The following FABP7 variants were observed in gnomAD, a reference collection of about 807,000 sequenced individuals.
FABP7 encodes the protein fatty acid binding protein 7.
A neutral mutation model predicts 14.2 loss-of-function variants in FABP7; 13 were observed. The ratio of observed to expected loss-of-function variants is 0.91; its 90% confidence interval spans 0.59 to 1.45. The LOEUF (loss-of-function observed/expected upper bound fraction) is 1.45, where lower values mean the gene tolerates loss of function less well. Ranked by LOEUF, FABP7 falls within the 40% of genes most tolerant of loss-of-function variation. The pLI, the probability that FABP7 is intolerant of heterozygous loss-of-function variation, is 0.00. For synonymous variants in FABP7, 49 were observed against 51.4 expected, an observed-to-expected ratio of 0.95 and a Z score of 0.20; for missense variants, 149 against 157.6, an observed-to-expected ratio of 0.95 and a Z score of 0.29.
the FABP7 span, among the ~76,000 whole-genome samples, chr6:122,756,562 C>A: frequency 6.6e-6 from 1 of 152,230 alleles, no homozygotes; most frequent in African/African-American, 2.4e-5. Flanking sequence ...TGTTCTCTTG[C>A]TCACTGAAAT....
At chr6:122,757,386 A>C in the FABP7 span, among the ~76,000 whole-genome samples, 1 of 152,020 alleles carries the variant, frequency 6.6e-6, no homozygotes, top group Non-Finnish European at 1.5e-5. Context: ...ATCACCGAGA[A>C]GATGACTGAA....
chr6:122,783,736 T>C lies in FABP7; in HGVS notation c.368T>C (p.Val123Ala). 1 of 1,607,626 alleles carries C rather than the reference T, an allele frequency of 6.2e-7. No individual in the cohort carries two copies. The highest frequency in any genetic ancestry group is 8.5e-7 in the Non-Finnish European group (1 of 1,178,186). The change falls in exon 4 of 4, where the codon GTG becomes GCG. Residue 123 changes from valine (V) to alanine (A), a missense_variant. Physicochemically the swap from Val to Ala is moderately conservative, Grantham distance 64. Transcript: ENST00000368444. The stretch of plus-strand genomic sequence containing the variant: ...TTGCAGACCCTTACTTTTGGTGATG[T>C]GGTTGCTGTTCGCCACTATGAGAAG... Reference protein sequence around the residue: ...KMVMTLTFGDVVAVRHYEKA With the variant: ...KMVMTLTFGDAVAVRHYEKA
the FABP7 span, among the ~76,000 whole-genome samples, chr6:122,762,376 T>G: frequency 1.3e-5 from 2 of 152,032 alleles, no homozygotes; most frequent in South Asian, 4.1e-4. Flanking sequence ...AACTAGATAT[T>G]GATGGGACAT....
chr6:122,776,073 G>T (rs998719011), upstream of FABP7, among the ~76,000 whole-genome samples: 4 of 152,086 alleles, frequency 2.6e-5, no homozygotes, highest in Non-Finnish European at 5.9e-5. Context: ...CTTATACACT[G>T]TTGTTGGGAA....
the FABP7 span, among the ~76,000 whole-genome samples, chr6:122,760,785 T>C: frequency 2.0e-5 from 3 of 152,128 alleles, no homozygotes; most frequent in East Asian, 3.9e-4. Context: ...AATCAAACAA[T>C]TTTGATATAT....
chr6:122,750,799 G>C, the FABP7 span, among the ~76,000 whole-genome samples: 2 of 152,226 alleles, frequency 1.3e-5, no homozygotes, highest in Admixed American at 6.5e-5. Flanking sequence ...CCAGTGAAGA[G>C]AGAAAACTGA....
the FABP7 span, among the ~76,000 whole-genome samples, chr6:122,755,751 G>A: frequency 2.6e-5 from 4 of 152,054 alleles, no homozygotes; most frequent in African/African-American, 7.2e-5. Context: ...GCCACCGCGC[G>A]TGGCCTCCTC....
At chr6:122,754,398 G>A in the FABP7 span, among the ~76,000 whole-genome samples, 1 of 152,062 alleles carries the variant, frequency 6.6e-6, no homozygotes. Flanking sequence ...TATTTCAATG[G>A]AAGAAATGTC....
chr6:122,762,666 T>C, the FABP7 span, among the ~76,000 whole-genome samples: 1 of 152,354 alleles, frequency 6.6e-6, no homozygotes, highest in Admixed American at 6.5e-5. Flanking sequence ...CAAAATCTCC[T>C]TAAGCTGATA....
chr6:122,781,860 G>T, intron 3 of FABP7: 1 of 429,858 alleles, frequency 2.3e-6, no homozygotes, highest in Non-Finnish European at 3.1e-6. Flanking sequence ...TACAACCTCA[G>T]CCTCCTAAGT....
chr6:122,753,095 C>A, the FABP7 span, among the ~76,000 whole-genome samples: 1 of 152,224 alleles, frequency 6.6e-6, no homozygotes. Context: ...CTAACCGTTT[C>A]TCTCTGGCTT....
the FABP7 span, among the ~76,000 whole-genome samples, chr6:122,769,203 C>T: frequency 6.6e-6 from 1 of 152,068 alleles, no homozygotes; most frequent in Non-Finnish European, 1.5e-5. Context: ...TTAAAGATAT[C>T]ATGATGATGA....
the FABP7 span, among the ~76,000 whole-genome samples, chr6:122,770,731 T>C: frequency 1.3e-5 from 2 of 152,182 alleles, no homozygotes; most frequent in East Asian, 1.9e-4. Flanking sequence ...CTTCCAGTTT[T>C]AGATACTACT....
At chr6:122,780,246 T>C (rs1780750149) in intron 1 of FABP7, 45 bp from the exon 2 acceptor site, 3 of 1,598,898 alleles carry the variant, frequency 1.9e-6, no homozygotes, top group Non-Finnish European at 2.6e-6. Flanking sequence ...TTGTGAGTTA[T>C]TTTGGAAGTC....
chr6:122,783,101 A>T, intron 3 of FABP7: 3 of 985,388 alleles, frequency 3.0e-6, no homozygotes, highest in Non-Finnish European at 3.6e-6. Flanking sequence ...AAAACCCCCT[A>T]AGTTCTGTAA....
the FABP7 span, among the ~76,000 whole-genome samples, chr6:122,755,591 C>CT: frequency 4.6e-5 from 7 of 150,976 alleles, no homozygotes. Context: ...GTAGCTGGGA[C>CT]TACAGGCGCC....
rs976934516 is a variant in FABP7 at position 122,781,159 on chromosome 6, T to C, written c.313T>C (p.Phe105Leu). Residue 105 changes from phenylalanine to leucine, a missense_variant, in exon 3 of 4, where the codon TTT (phenylalanine) becomes CTT (leucine). Phe to Leu is a conservative substitution (Grantham distance 22). Transcript: ENST00000368444. ...GAAATGGGATGGCAAAGAAACAAATTTTGTAAGAGAAATTAAGGATGGCAA... is the reference window on the plus strand; with the variant it reads ...GAAATGGGATGGCAAAGAAACAAATCTTGTAAGAGAAATTAAGGATGGCAA... ...IQKWDGKETN[F>L]VREIKDGKMV... The C allele has an allele frequency of 5.0e-6, 8 of 1,613,866 alleles. No individual in the cohort carries two copies. The highest frequency in any genetic ancestry group is 1.3e-5 in the African/African-American group (1 of 74,882).
the FABP7 span, among the ~76,000 whole-genome samples, chr6:122,752,989 G>C: frequency 2.0e-5 from 3 of 152,160 alleles, no homozygotes; most frequent in African/African-American, 7.2e-5. Context: ...CCCAGCTAAA[G>C]ACAAAATGCC....
At chr6:122,755,968 C>T in the FABP7 span, among the ~76,000 whole-genome samples, 2 of 152,102 alleles carry the variant, frequency 1.3e-5, no homozygotes, top group East Asian at 3.9e-4. Context: ...GCCAGTGCTG[C>T]GGGCGTTTAT....
Sources: allele counts gnomAD v4.1 joint callset (sites outside exome capture counted in the v4.1 genomes callset), GRCh38; gene constraint gnomAD v4.1.1; transcripts MANE v1.5; gene names NCBI Gene and HGNC (gene_info 2026-07-23, HGNC 2026-07-21).